ERC1: variants seen among roughly 807,000 people sequenced by gnomAD.
ERC1 encodes RAB6 interacting protein 2.
ERC1 carries 56 observed loss-of-function variants against 132.0 expected under a neutral mutation model. That is an observed-to-expected ratio of 0.42 (90% CI 0.34 to 0.53). The LOEUF (loss-of-function observed/expected upper bound fraction) is 0.53, where lower values mean the gene tolerates loss of function less well. Among genes scored for constraint, ERC1 ranks in the 20% least tolerant of loss-of-function variants. The pLI is 0.03. For synonymous variants in ERC1, 478 were observed against 476.1 expected (o/e 1.00, Z -0.05); for missense variants, 1,202 against 1,349.9 (o/e 0.89, Z 1.72).
chr12:1,130,253 CTTTGG>C (rs1194321404), intron 7 of ERC1, among the ~76,000 whole-genome samples: 1 of 152,118 alleles, frequency 6.6e-6, no homozygotes, highest in Non-Finnish European at 1.5e-5. Context: ...AATTCCAGCA[CTTTGG>C]AAGGCCGAGA....
intron 1 of ERC1, among the ~76,000 whole-genome samples, chr12:1,001,915 C>G (rs1306673550): frequency 7.5e-6 from 1 of 133,976 alleles, no homozygotes; most frequent in African/African-American, 3.0e-5. Flanking sequence ...GGCTGGAGTG[C>G]AGTGGCGCAA....
chr12:1,121,676 TATCTATCTC>T, intron 7 of ERC1, among the ~76,000 whole-genome samples: 1 of 5,958 alleles, frequency 1.7e-4, no homozygotes, highest in Non-Finnish European at 5.9e-4. Flanking sequence ...TCTCTATCTC[TATCTATCTC>T]TATCTCTATC....
intron 18 of ERC1, among the ~76,000 whole-genome samples, chr12:1,472,627 G>GC (rs575969972): frequency 8.2e-4 from 120 of 145,888 alleles, no homozygotes; most frequent in Non-Finnish European, 1.5e-3. Context: ...TCCAGCCTGG[G>GC]CAACAGAGTG....
intron 12 of ERC1, among the ~76,000 whole-genome samples, chr12:1,229,812 C>T (rs964015333): frequency 1.3e-5 from 2 of 151,662 alleles, no homozygotes; most frequent in African/African-American, 4.8e-5. Context: ...TTATTATTTC[C>T]TTACTTTAGC....
At chr12:1,041,364 T>C (rs1970188253) in intron 2 of ERC1, among the ~76,000 whole-genome samples, 1 of 152,170 alleles carries the variant, frequency 6.6e-6, no homozygotes, top group Non-Finnish European at 1.5e-5. Context: ...TCTGCCACCA[T>C]GCCTGGCTAC....
intron 14 of ERC1, among the ~76,000 whole-genome samples, chr12:1,285,177 A>G (rs966373061): frequency 6.6e-6 from 1 of 152,236 alleles, no homozygotes; most frequent in Non-Finnish European, 1.5e-5. Context: ...GAAGATAGTC[A>G]ATAAAATTGC....
chr12:1,433,515 T>C (rs1410391528), intron 17 of ERC1, among the ~76,000 whole-genome samples: 1 of 152,186 alleles, frequency 6.6e-6, no homozygotes, highest in Non-Finnish European at 1.5e-5. Flanking sequence ...ACTCACAGGT[T>C]GTCGGAGGCA....
chr12:1,116,520 A>G (rs377135862), intron 7 of ERC1, among the ~76,000 whole-genome samples: 1 of 152,218 alleles, frequency 6.6e-6, no homozygotes, highest in African/African-American at 2.4e-5. Context: ...AGATTATTAG[A>G]CAATGTGTCT....
chr12:1,311,869 A>T (rs1364892322), intron 15 of ERC1, among the ~76,000 whole-genome samples: 2 of 152,226 alleles, frequency 1.3e-5, no homozygotes, highest in Non-Finnish European at 2.9e-5. Context: ...GATGATAGGA[A>T]ATTTGATAAA....
At chr12:1,312,424 G>T (rs1346856490) in intron 15 of ERC1, among the ~76,000 whole-genome samples, 1 of 152,040 alleles carries the variant, frequency 6.6e-6, no homozygotes, top group Non-Finnish European at 1.5e-5. Context: ...TGCAGTGGCG[G>T]GATCTCGGCT....
rs1285547698 is a variant in ERC1, at chr12:1,367,949, TC to T, written c.2781-3882del. 7.0e-5 allele frequency among the ~76,000 whole-genome samples: 10 copies of T among 143,506 alleles called. No homozygotes were observed. The East Asian group carries it at 1.6e-3, about 22-fold the overall frequency. 94.1% of individuals were successfully genotyped at this position (143,506 alleles called of 152,430 possible). A position where few individuals can be genotyped will look rare whatever the true frequency, so the allele number is the denominator to read the frequency against. ...TTTGAAAGGTTTCGTGTCCACATTT[TC>T]CTTTTTTTTTTTTTTTTTTTTTTAA... On this transcript the variant is annotated intron_variant, in intron 15 of 18. Transcript: ENST00000360905.
chr12:1,297,712 CA>C (rs535814870), intron 15 of ERC1, among the ~76,000 whole-genome samples: 9,397 of 65,912 alleles, frequency 0.14, 338 homozygotes, highest in African/African-American at 0.27. Context: ...GTCCCCCTGC[CA>C]AAAAAAAAAA....
chr12:1,333,626 C>T (rs530132512), intron 15 of ERC1, among the ~76,000 whole-genome samples: 6 of 152,202 alleles, frequency 3.9e-5, no homozygotes, highest in South Asian at 2.1e-4. Flanking sequence ...CCACCGCACC[C>T]GGCCCCACAT....
intron 1 of ERC1, among the ~76,000 whole-genome samples, chr12:995,137 G>A (rs1960557067): frequency 6.6e-6 from 1 of 151,498 alleles, no homozygotes; most frequent in South Asian, 2.1e-4. Context: ...TGTGCCTATA[G>A]TCTCAGCTAC....
chr12:1,332,335 T>G (rs1020206270), intron 15 of ERC1, among the ~76,000 whole-genome samples: 2 of 152,232 alleles, frequency 1.3e-5, no homozygotes, highest in Non-Finnish European at 2.9e-5. Flanking sequence ...GATTAGACCT[T>G]TTAAAAAAAT....
At chr12:1,241,769 A>G (rs1269661495) in intron 13 of ERC1, among the ~76,000 whole-genome samples, 5 of 151,856 alleles carry the variant, frequency 3.3e-5, no homozygotes, top group Admixed American at 6.6e-5. Flanking sequence ...CATATGCTAC[A>G]TAATCACACA....
At chr12:996,474 C>T (rs1265153951) in intron 1 of ERC1, among the ~76,000 whole-genome samples, 2 of 151,796 alleles carry the variant, frequency 1.3e-5, no homozygotes, top group Non-Finnish European at 2.9e-5. Context: ...TCCAGCTGCT[C>T]TGGAGGCTGA....
At chr12:1,410,430 A>G in intron 17 of ERC1, 1 of 1,321,874 alleles carries the variant, frequency 7.6e-7, no homozygotes, top group Non-Finnish European at 1.0e-6. Context: ...TCAGAGGCTT[A>G]GTTCAGCCAT....
intron 2 of ERC1, among the ~76,000 whole-genome samples, chr12:1,060,536 A>G (rs1401863476): frequency 6.6e-6 from 1 of 152,122 alleles, no homozygotes. Context: ...ATAGTATTCC[A>G]TGGTGTATAT....
Sources: allele counts gnomAD v4.1 joint callset (sites outside exome capture counted in the v4.1 genomes callset), GRCh38; gene constraint gnomAD v4.1.1; transcripts MANE v1.5; gene names NCBI Gene and HGNC (gene_info 2026-07-23, HGNC 2026-07-21).